The following REV1 variants were observed in gnomAD, a reference collection of about 807,000 sequenced individuals.
REV1 encodes the protein translesion synthesis protein REV1.
REV1 carries 42 observed loss-of-function variants against 137.4 expected under a neutral mutation model. The observed-to-expected ratio is 0.31, with a 90% CI of 0.24 to 0.40. The LOEUF is 0.40. Ranked by LOEUF, REV1 falls within the 10% of genes least tolerant of loss-of-function variation. REV1 has a pLI of 1.00. For missense variants in REV1, 1,282 were observed against 1,490.1 expected (o/e 0.86, Z 2.30); for synonymous variants, 524 against 519.2 (o/e 1.01, Z -0.12).
At chr2:99,424,364 T>C (rs1183020416) in intron 9 of REV1, 84 bp from the exon 10 acceptor site, 1 of 1,346,354 alleles carries the variant, frequency 7.4e-7, no homozygotes, top group Non-Finnish European at 1.0e-6. Flanking sequence ...TATCTCCCCA[T>C]GCCACTAATT....
intron 11 of REV1, 110 bp from the exon 12 acceptor site, chr2:99,419,057 A>T: frequency 1.1e-6 from 1 of 937,060 alleles, no homozygotes; most frequent in Non-Finnish European, 1.6e-6. Flanking sequence ...CAATGAAAAT[A>T]AATTTTGATT....
rs772870983 is a variant in REV1, at chr2:99,412,746, T to A, written c.2157A>T (p.Gly719=). Reference sequence around the variant, plus strand: ...TGATCAGTACCTGAGTAAACCTTATTCCATAGTTGATCTCAGCTGAAACAG... The same window carrying A: ...TGATCAGTACCTGAGTAAACCTTATACCATAGTTGATCTCAGCTGAAACAG... ...RKSVSAEINY[G]IRFTQPKEAE... Residue 719 remains glycine, a synonymous_variant, in exon 13 of 23, where the codon GGA becomes GGT. Coordinates refer to ENST00000258428, the MANE Select transcript of REV1 (RefSeq NM_016316.4). 2 of 1,613,628 alleles carry A rather than the reference T, an allele frequency of 1.2e-6. No homozygotes were observed. Among genetic ancestry groups the A allele is most frequent in the Non-Finnish European group, 1.7e-6 (2 of 1,179,528 alleles).
intron 1 of REV1, among the ~76,000 whole-genome samples, chr2:99,476,376 T>C (rs1023865470): frequency 5.9e-5 from 9 of 152,016 alleles, no homozygotes; most frequent in African/African-American, 1.7e-4. Context: ...GCCAACATGG[T>C]GAAACCCCAT....
intron 13 of REV1, 82 bp downstream of exon 13, chr2:99,412,649 G>T: frequency 9.5e-7 from 1 of 1,052,494 alleles, no homozygotes; most frequent in Non-Finnish European, 1.5e-6. Context: ...AGCATTGAGG[G>T]TCTAATGGTT....
intron 9 of REV1, among the ~76,000 whole-genome samples, chr2:99,429,266 C>T (rs973149152): frequency 6.6e-6 from 1 of 152,010 alleles, no homozygotes; most frequent in Non-Finnish European, 1.5e-5. Flanking sequence ...TCTTCCTATA[C>T]TGAAACAGCC....
At chr2:99,413,470 T>TATC (rs1455095131) in intron 12 of REV1, among the ~76,000 whole-genome samples, 8 of 152,320 alleles carry the variant, frequency 5.3e-5, no homozygotes, top group Non-Finnish European at 1.2e-4. Context: ...TGTTACATGC[T>TATC]ATCACACATA....
chr2:99,423,811 AAGAGAAAAACC>A (rs1395288626), intron 10 of REV1, among the ~76,000 whole-genome samples: 1 of 152,192 alleles, frequency 6.6e-6, no homozygotes, highest in Admixed American at 6.5e-5. Context: ...AATGAAATAA[AAGAGAAAAACC>A]AGGTTAAAAA....
Position 99,410,882 on chromosome 2 carries a change from A to G in REV1, c.2173-15T>C, listed in dbSNP as rs202090334. The G allele has an allele frequency of 1.2e-5, 19 of 1,570,398 alleles. No homozygotes were observed. The East Asian group carries it at 4.3e-4, about 35-fold the overall frequency. ...GCCTCTTTTGGCTATGGAAAGACAA[A>G]CGTGGAGAAACTACCATTCCACTTT... On this transcript the variant is annotated splice_polypyrimidine_tract_variant and intron_variant, in intron 13 of 22. Transcript: ENST00000258428.
At chr2:99,466,430 T>C (rs1684805144) in intron 1 of REV1, among the ~76,000 whole-genome samples, 1 of 151,662 alleles carries the variant, frequency 6.6e-6, no homozygotes, top group Non-Finnish European at 1.5e-5. Flanking sequence ...TTAGTAGAGA[T>C]GGGGTTTCAC....
chr2:99,438,320 CAACT>C, intron 6 of REV1, among the ~76,000 whole-genome samples: 2 of 152,266 alleles, frequency 1.3e-5, no homozygotes, highest in South Asian at 4.1e-4. Context: ...AAAACTTCAC[CAACT>C]GATAAGGTCT....
intron 9 of REV1, among the ~76,000 whole-genome samples, chr2:99,428,647 T>C (rs1679680852): frequency 6.6e-6 from 1 of 152,166 alleles, no homozygotes; most frequent in South Asian, 2.1e-4. Context: ...TGAGCTCAAA[T>C]ATTTTTTCTT....
intron 5 of REV1, 87 bp from the exon 6 acceptor site, chr2:99,439,397 A>G (rs982539498): frequency 9.1e-5 from 79 of 870,968 alleles, no homozygotes; most frequent in Non-Finnish European, 1.2e-4. Context: ...TTAGTGGTAC[A>G]CAGTTTGGTA....
At chr2:99,466,483 C>A (rs985551617) in intron 1 of REV1, among the ~76,000 whole-genome samples, 3 of 152,094 alleles carry the variant, frequency 2.0e-5, no homozygotes, top group Non-Finnish European at 4.4e-5. Flanking sequence ...CTCAGGTGAT[C>A]TGCCCGCCTA....
Position 99,438,638 on chromosome 2 carries a change from C to T in REV1, c.1176G>A (p.Met392Ile), listed in dbSNP as rs777250425. The T allele has an allele frequency of 8.7e-6, 14 of 1,613,664 alleles. No individual in the cohort carries two copies. Among genetic ancestry groups the T allele is most frequent in the Non-Finnish European group, 1.2e-5 (14 of 1,179,966 alleles). Residue 392 changes from methionine (M) to isoleucine (I), a missense_variant, in exon 6 of 23, where the codon ATG (methionine) becomes ATA (isoleucine). Physicochemically the swap from Met to Ile is conservative, Grantham distance 10 (BLOSUM62 1). Around this residue, in one of 7 missense-constraint regions of REV1, gnomAD observed 432 missense variants for 438.0 expected, o/e 0.99. Transcript: ENST00000258428. ...CAACAAGTGCAGACCTGCCTGTTTT[C>T]ATTTTTTTTAACTTTTCCCTTCCTG... ...IFPGREKLKK[M>I]KTGRSALVVT... is the part of the protein sequence containing the mutation.
In REV1 at chr2:99,408,336, A is replaced by G. The variant is rs1202982060; in HGVS notation, c.2346-205T>C. On this transcript the variant is annotated intron_variant, in intron 14 of 22. Transcript: ENST00000258428. ...GGCAACCAAGGGGGAAAGAAAAATT[A>G]TGGAACACTAGAACTTTAAGGTAAA... The G allele has an allele frequency of 1.3e-5, 5 of 370,550 alleles. No individual in the cohort carries two copies. In the Admixed American group the frequency reaches 1.4e-4, roughly 10 times the overall value. The allele number at this position is 370,550 out of a possible 1,614,324, so 23.0% of individuals were successfully genotyped here.
rs139515952 is a variant in REV1 at position 99,435,935 on chromosome 2, A to G, written c.1220T>C (p.Met407Thr). The G allele has an allele frequency of 7.0e-6, 11 of 1,565,764 alleles. No individual in the cohort carries two copies. The highest frequency in any genetic ancestry group is 7.9e-6 in the Non-Finnish European group (9 of 1,138,664). The change falls in exon 7 of 23, where the codon ATG (methionine) becomes ACG (threonine). Residue 407 changes from methionine (M) to threonine (T), a missense_variant. Transcript: ENST00000258428. ...SALVVTDTGD[M>T]SVLNSPRHQS... ...ATGTCTGGGAGAATTCAATACTGAC[A>G]TATCTCCTAGAAGGAAAAAGACAGC...
chr2:99,415,696 T>C (rs190011617), intron 12 of REV1, among the ~76,000 whole-genome samples: 209 of 152,350 alleles, frequency 1.4e-3, no homozygotes, highest in African/African-American at 4.8e-3. Context: ...CTTGGCTACG[T>C]AGCTACTGTA....
At chr2:99,454,492 G>C (rs1023863280) in intron 3 of REV1, among the ~76,000 whole-genome samples, 2 of 145,228 alleles carry the variant, frequency 1.4e-5, no homozygotes, top group Non-Finnish European at 3.0e-5. Context: ...AGAGGTTGCA[G>C]TGAGCCAAGA....
At chr2:99,402,038 A>G (rs1675528577) in intron 22 of REV1, among the ~76,000 whole-genome samples, 1 of 152,172 alleles carries the variant, frequency 6.6e-6, no homozygotes, top group African/African-American at 2.4e-5. Context: ...CCCACTTCCT[A>G]TGGTTTTTTA....
Sources: allele counts gnomAD v4.1 joint callset (sites outside exome capture counted in the v4.1 genomes callset), GRCh38; gene constraint gnomAD v4.1.1; regional missense constraint gnomAD v4.1.1; transcripts MANE v1.5; gene names NCBI Gene and HGNC (gene_info 2026-07-23, HGNC 2026-07-21).